Variants in LRP2 observed in about 807,000 individuals in gnomAD.
LRP2 encodes LDL receptor related protein 2.
In LRP2, 172 loss-of-function variants were observed where a neutral mutation model predicts 531.0. The observed-to-expected ratio is 0.32, with a 90% confidence interval of 0.29 to 0.37. The LOEUF (loss-of-function observed/expected upper bound fraction) is 0.37, where lower values mean the gene tolerates loss of function less well. LRP2 is among the 10% of genes least tolerant of loss of function. LRP2 has a pLI of 1.00. For synonymous variants in LRP2, 1,992 were observed against 2,027.6 expected, an observed-to-expected ratio of 0.98 and a Z score of 0.47; for missense variants, 5,167 against 5,868.3, an observed-to-expected ratio of 0.88 and a Z score of 3.90.
At chr2:169,340,076 T>A (rs368123560) in intron 1 of LRP2, among the ~76,000 whole-genome samples, 1 of 152,268 alleles carries the variant, frequency 6.6e-6, no homozygotes. Context: ...CTTTCCCATC[T>A]CTTAGAGTCA....
At chr2:169,327,740 C>G (rs1415558127) in intron 1 of LRP2, among the ~76,000 whole-genome samples, 2 of 131,506 alleles carry the variant, frequency 1.5e-5, no homozygotes, top group Admixed American at 7.0e-5. Context: ...CCAGCCGCCC[C>G]GTCCGGGAGG....
At chr2:169,215,686 GATATATATTCTGTATTCTATAA>G (rs1337045421) in intron 35 of LRP2, among the ~76,000 whole-genome samples, 2 of 147,262 alleles carry the variant, frequency 1.4e-5, no homozygotes, top group African/African-American at 4.9e-5. Context: ...ATATATAATA[GATATATATTCTGTATTCTATAA>G]ATATATATTC....
At position 169,139,350 on chromosome 2, in the gene LRP2, G is replaced by T. The variant is rs777260413; in HGVS notation, c.13289C>A (p.Thr4430Lys). ...PGTTAVAVLL[T>K]ILLIVVIGAL... ...TCCAATTACGACGATCAAGAGGATT[G>T]TCAACAGCACAGCTACTGCGGCTAT... Residue 4430 changes from threonine to lysine, a missense_variant, in exon 74 of 79, where the codon ACA (threonine) becomes AAA (lysine). Coordinates refer to ENST00000649046, the MANE Select transcript of LRP2 (RefSeq NM_004525.3). The T allele has an allele frequency of 6.2e-7, 1 of 1,614,172 alleles. No homozygotes were observed. The highest frequency in any genetic ancestry group is 8.5e-7 in the Non-Finnish European group (1 of 1,180,034).
intron 43 of LRP2, 102 bp downstream of exon 43, chr2:169,202,654 G>T (rs998896258): frequency 8.3e-7 from 1 of 1,204,586 alleles, no homozygotes; most frequent in Non-Finnish European, 1.2e-6. Context: ...GGATGCCTAG[G>T]CACACATTTC....
chr2:169,193,352 G>T (rs1454154779), intron 47 of LRP2, among the ~76,000 whole-genome samples: 1 of 150,430 alleles, frequency 6.6e-6, no homozygotes, highest in Non-Finnish European at 1.5e-5. Flanking sequence ...GATCGCTTGA[G>T]CCTGGAAGGT....
At chr2:169,347,884 G>A (rs890418290) in intron 1 of LRP2, among the ~76,000 whole-genome samples, 7 of 152,138 alleles carry the variant, frequency 4.6e-5, no homozygotes, top group African/African-American at 9.7e-5. Flanking sequence ...AAGTTGGGTC[G>A]CAATGGTACC....
chr2:169,174,247 C>T (rs1687106049), intron 55 of LRP2, 83 bp from the exon 56 acceptor site: 1 of 1,556,164 alleles, frequency 6.4e-7, no homozygotes, highest in Admixed American at 1.7e-5. Flanking sequence ...TCCTGGATAG[C>T]AGGATCATGA....
intron 1 of LRP2, among the ~76,000 whole-genome samples, chr2:169,347,318 C>T (rs1222618555): frequency 6.6e-6 from 1 of 152,234 alleles, no homozygotes; most frequent in African/African-American, 2.4e-5. Context: ...ACCAAGAGAC[C>T]TTTAAGCACA....
intron 31 of LRP2, among the ~76,000 whole-genome samples, chr2:169,227,454 A>G (rs1305770061): frequency 6.6e-6 from 1 of 152,226 alleles, no homozygotes; most frequent in Non-Finnish European, 1.5e-5. Context: ...AAATAATTTA[A>G]TCTTTATCCT....
chr2:169,160,368 A>C (rs953632530), intron 63 of LRP2, among the ~76,000 whole-genome samples: 2 of 152,172 alleles, frequency 1.3e-5, no homozygotes, highest in Non-Finnish European at 2.9e-5. Context: ...TAAGTACATC[A>C]AAATGTCATG....
rs992606528 is a variant in LRP2, at chr2:169,175,487, A to G, written c.10572-98T>C. The G allele has an allele frequency of 3.6e-6, 4 of 1,109,916 alleles. No homozygotes were observed. The South Asian group carries it at 3.8e-5, about 11-fold the overall frequency. The allele number at this position is 1,109,916 out of a possible 1,614,324, so 68.8% of individuals were successfully genotyped here. On this transcript the variant is annotated intron_variant, in intron 54 of 78. Transcript: ENST00000649046. Reference sequence around the variant, plus strand: ...CACTGAATTCCAAGAAATGACATGCATGAGCTCTCTCGTGGCCCTAGAAGA... The same window carrying G: ...CACTGAATTCCAAGAAATGACATGCGTGAGCTCTCTCGTGGCCCTAGAAGA...
At chr2:169,156,472 G>C (rs1361407868) in intron 64 of LRP2, 67 bp from the exon 65 acceptor site, 2 of 1,590,968 alleles carry the variant, frequency 1.3e-6, no homozygotes, top group Non-Finnish European at 1.7e-6. Flanking sequence ...TCTTGCTTCT[G>C]TTTAAACCCA....
chr2:169,137,267 G>A (rs1278324058), intron 76 of LRP2, 125 bp downstream of exon 76: 2 of 777,454 alleles, frequency 2.6e-6, no homozygotes, highest in African/African-American at 1.7e-5. Context: ...GGCAGCTGCA[G>A]CATGGACCAC....
intron 45 of LRP2, among the ~76,000 whole-genome samples, chr2:169,198,311 G>A (rs1021581341): frequency 6.6e-6 from 1 of 152,130 alleles, no homozygotes; most frequent in Non-Finnish European, 1.5e-5. Context: ...CTACTCAGGA[G>A]GCTGAGATGG....
At chr2:169,351,901 A>G (rs1685861779) in intron 1 of LRP2, among the ~76,000 whole-genome samples, 1 of 152,204 alleles carries the variant, frequency 6.6e-6, no homozygotes, top group African/African-American at 2.4e-5. Context: ...AGTGAAATTA[A>G]TGATGGCCAT....
chr2:169,305,958 G>C (rs1331244762), intron 4 of LRP2, among the ~76,000 whole-genome samples: 1 of 152,026 alleles, frequency 6.6e-6, no homozygotes, highest in Non-Finnish European at 1.5e-5. Flanking sequence ...GTTTACCCTA[G>C]GTGTGCAGTA....
At chr2:169,357,172 AT>A (rs1460632705) in intron 1 of LRP2, among the ~76,000 whole-genome samples, 3 of 151,832 alleles carry the variant, frequency 2.0e-5, no homozygotes, top group East Asian at 1.9e-4. Context: ...CACAATTAGT[AT>A]TTTTTTAGTT....
At chr2:169,319,218 C>T (rs978507947) in intron 2 of LRP2, among the ~76,000 whole-genome samples, 2 of 152,136 alleles carry the variant, frequency 1.3e-5, no homozygotes, top group African/African-American at 4.8e-5. Context: ...TACTGTTAAA[C>T]TATTTGTTTC....
Position 169,147,594 on chromosome 2 carries a change from G to T in LRP2, c.12591-635C>A, listed in dbSNP as rs562912630. On this transcript the variant is annotated intron_variant, in intron 68 of 78. Transcript: ENST00000649046. ...AGCCTCCCAAAGTGTTGGGATTACA[G>T]GAGTGAGCCACCACACCCAGCAACT... Among the ~76,000 whole-genome samples the T allele has an allele frequency of 7.2e-5, 11 of 152,258 alleles. No homozygotes were observed. In the East Asian group the frequency reaches 2.1e-3, roughly 29 times the overall value.
Sources: allele counts gnomAD v4.1 joint callset (sites outside exome capture counted in the v4.1 genomes callset), GRCh38; gene constraint gnomAD v4.1.1; transcripts MANE v1.5; gene names NCBI Gene and HGNC (gene_info 2026-07-23, HGNC 2026-07-21).